PPFIBP2: variants seen among roughly 807,000 people sequenced by gnomAD.
PPFIBP2 encodes the protein PPFIB scaffold protein 2, also known as liprin-beta-2.
In PPFIBP2, 118 loss-of-function variants were observed where a neutral mutation model predicts 118.3. The ratio of observed to expected loss-of-function variants is 1.00; its 90% CI spans 0.86 to 1.16. The LOEUF (loss-of-function observed/expected upper bound fraction) is 1.16. Among genes scored for constraint, PPFIBP2 ranks in the 50% most tolerant of loss-of-function variants. PPFIBP2 has a pLI of 0.00. For missense variants in PPFIBP2, 1,195 were observed against 1,073.1 expected (o/e 1.11, Z -1.59); for synonymous variants, 414 against 397.4 (o/e 1.04, Z -0.50).
At chr11:7,635,410 G>A in intron 13 of PPFIBP2, 142 bp from the exon 14 acceptor site, 1 of 773,680 alleles carries the variant, frequency 1.3e-6, no homozygotes, top group South Asian at 1.7e-5. Flanking sequence ...GCCCTGGATG[G>A]TGATTACTTG....
chr11:7,635,647 T>G, intron 14 of PPFIBP2, 54 bp downstream of exon 14: 1 of 1,535,980 alleles, frequency 6.5e-7, no homozygotes, highest in South Asian at 1.1e-5. Context: ...TTTGCTAGTA[T>G]TTTAATTTAG....
chr11:7,551,485 C>T (rs1258593150), intron 2 of PPFIBP2, among the ~76,000 whole-genome samples: 5 of 152,124 alleles, frequency 3.3e-5, no homozygotes, highest in Non-Finnish European at 5.9e-5. Flanking sequence ...TTTTCTTTCA[C>T]CAATACCACA....
chr11:7,663,670 C>T, the PPFIBP2 span, among the ~76,000 whole-genome samples: 10 of 152,236 alleles, frequency 6.6e-5, no homozygotes, highest in African/African-American at 2.4e-4. Flanking sequence ...CTGTGGTGGG[C>T]TCCACCCAGT....
intron 12 of PPFIBP2, among the ~76,000 whole-genome samples, 157 bp downstream of exon 12, chr11:7,633,091 C>T (rs536796747): frequency 6.6e-6 from 1 of 152,348 alleles, no homozygotes; most frequent in South Asian, 2.1e-4. Context: ...CCAGGCCTAC[C>T]TCTTTTGGCC....
intron 5 of PPFIBP2, among the ~76,000 whole-genome samples, chr11:7,604,903 G>A (rs776235716): frequency 6.6e-5 from 10 of 152,184 alleles, no homozygotes; most frequent in Non-Finnish European, 4.4e-5. Flanking sequence ...GGGAGAAACA[G>A]GACCAGAACT....
chr11:7,656,760 T>C (rs757430852), downstream of PPFIBP2: 31 of 1,289,808 alleles, frequency 2.4e-5, no homozygotes, highest in Non-Finnish European at 2.8e-5. Flanking sequence ...GCTGAATGAC[T>C]CTCGCCTGCC....
Position 7,606,886 on chromosome 11 carries a change from A to ATTTTTTTTTTTTTTTTTTTT in PPFIBP2, c.487-3382_487-3363dup, listed in dbSNP as rs529585905. Among the ~76,000 whole-genome samples, 8 of 51,440 alleles carry ATTTTTTTTTTTTTTTTTTTT rather than the reference A, an allele frequency of 1.6e-4. 2 individuals are homozygous for ATTTTTTTTTTTTTTTTTTTT. Among genetic ancestry groups the ATTTTTTTTTTTTTTTTTTTT allele is most frequent in the Admixed American group, 3.0e-4 (1 of 3,386 alleles). The allele number at this position is 51,440 out of a possible 152,430, so 33.7% of individuals were successfully genotyped here. A position where few individuals can be genotyped will look rare whatever the true frequency, so the allele number is the denominator to read the frequency against. On this transcript the variant is annotated intron_variant, in intron 5 of 23. Coordinates refer to ENST00000299492, the MANE Select transcript of PPFIBP2 (RefSeq NM_003621.5). ...CTGATCAGAAGACAAAACTGCATGA[A>ATTTTTTTTTTTTTTTTTTTT]TTTTTTTTTTTTTTTTTTTTTTTTT...
At chr11:7,608,442 A>T (rs1590560092) in intron 5 of PPFIBP2, among the ~76,000 whole-genome samples, 1 of 151,988 alleles carries the variant, frequency 6.6e-6, no homozygotes, top group Non-Finnish European at 1.5e-5. Flanking sequence ...GGAGTTCAAG[A>T]CCAGCCTGGC....
At chr11:7,625,095 AATGT>A (rs1251364131) in intron 7 of PPFIBP2, among the ~76,000 whole-genome samples, 2 of 152,218 alleles carry the variant, frequency 1.3e-5, no homozygotes, top group Non-Finnish European at 2.9e-5. Flanking sequence ...TGCAAATATG[AATGT>A]ATGTGTGTAC....
chr11:7,629,524 G>A lies in PPFIBP2; in HGVS notation c.954G>A (p.Met318Ile). The part of the protein sequence containing the change: ...NQYRKVKEIV[M>I]VTQGPSERTL... ...ACCGGAAGGTAAAGGAGATTGTGAT[G>A]GTCACTCAAGGTAAGAGCAAGGGCG... is the stretch of plus-strand genomic sequence containing the variant. Residue 318 changes from methionine to isoleucine, a missense_variant, in exon 10 of 24, where the codon ATG (methionine) becomes ATA (isoleucine). By Grantham distance (10) the Met-to-Ile change is conservative. Transcript: ENST00000299492. 1 of 1,614,056 alleles carries A rather than the reference G, an allele frequency of 6.2e-7. No homozygotes were observed. The highest frequency in any genetic ancestry group is 8.5e-7 in the Non-Finnish European group (1 of 1,179,950).
At chr11:7,666,696 T>TCTG in the PPFIBP2 span, 4 of 571,650 alleles carry the variant, frequency 7.0e-6, no homozygotes, top group South Asian at 6.6e-5. Flanking sequence ...AAACAAGAGT[T>TCTG]CTGCTGCTGC....
At chr11:7,549,579 C>T in intron 2 of PPFIBP2, 40 bp downstream of exon 2, 2 of 1,478,672 alleles carry the variant, frequency 1.4e-6, no homozygotes, top group Non-Finnish European at 1.8e-6. Context: ...TCTCATCCTC[C>T]ACATTCCAGG....
intron 3 of PPFIBP2, among the ~76,000 whole-genome samples, chr11:7,582,349 C>G (rs565097075): frequency 6.6e-6 from 1 of 152,132 alleles, no homozygotes; most frequent in Non-Finnish European, 1.5e-5. Flanking sequence ...TATGATACCT[C>G]CTATTTCTGG....
At chr11:7,600,375 A>C (rs1019307705) in intron 5 of PPFIBP2, among the ~76,000 whole-genome samples, 1 of 152,204 alleles carries the variant, frequency 6.6e-6, no homozygotes, top group African/African-American at 2.4e-5. Flanking sequence ...TTGTGAAGAC[A>C]CTTGATTCTT....
intron 3 of PPFIBP2, among the ~76,000 whole-genome samples, chr11:7,582,472 G>A (rs534330059): frequency 6.6e-6 from 1 of 152,224 alleles, no homozygotes; most frequent in South Asian, 2.1e-4. Flanking sequence ...TTGAAGAGAG[G>A]CCTCTTTTAC....
At chr11:7,609,720 T>A (rs1590570857) in intron 5 of PPFIBP2, among the ~76,000 whole-genome samples, 1 of 152,274 alleles carries the variant, frequency 6.6e-6, no homozygotes, top group East Asian at 1.9e-4. Flanking sequence ...CAGATTGTAA[T>A]TTTGGAACAG....
At chr11:7,566,321 G>A (rs577924520) in intron 3 of PPFIBP2, among the ~76,000 whole-genome samples, 1 of 152,230 alleles carries the variant, frequency 6.6e-6, no homozygotes, top group South Asian at 2.1e-4. Flanking sequence ...TCCTGTATCT[G>A]GACAAAGAAT....
intron 5 of PPFIBP2, among the ~76,000 whole-genome samples, chr11:7,602,510 C>G (rs1457255735): frequency 6.6e-6 from 1 of 152,140 alleles, no homozygotes; most frequent in Admixed American, 6.5e-5. Flanking sequence ...TGACCCTTCT[C>G]TAGAGGAGGA....
Position 7,653,023 on chromosome 11 carries a change from G to A in PPFIBP2, c.2437-1G>A, listed in dbSNP as rs1416768545. On this transcript the variant is annotated splice_acceptor_variant, in intron 23 of 23. Coordinates refer to ENST00000299492, the MANE Select transcript of PPFIBP2 (RefSeq NM_003621.5). LOFTEE classifies it high-confidence loss of function. ...ATAATCTTGCATTTTCTGTGTTTTA[G>A]CCAAGGAAACTAGGATTTTCACACT... is the stretch of plus-strand genomic sequence containing the variant. 1 of 1,605,520 alleles carries A rather than the reference G, an allele frequency of 6.2e-7. No homozygotes were observed. The highest frequency in any genetic ancestry group is 2.2e-5 in the East Asian group (1 of 44,686).
Sources: gnomAD v4.1 joint callset for allele counts (sites outside exome capture counted in the v4.1 genomes callset) on GRCh38, gnomAD v4.1.1 for gene constraint, MANE v1.5 for transcripts, NCBI Gene and HGNC (gene_info 2026-07-23, HGNC 2026-07-21) for gene names.